The following PACRG variants were observed in gnomAD, a reference collection of about 807,000 sequenced individuals.
The protein encoded by PACRG is parkin coregulated gene protein.
PACRG carries 29 observed loss-of-function variants against 29.7 expected under a neutral mutation model. The ratio of observed to expected loss-of-function variants is 0.98; its 90% CI spans 0.73 to 1.33. PACRG has a LOEUF of 1.33. PACRG is among the 40% of genes most tolerant of loss of function. The pLI, the probability that PACRG is intolerant of heterozygous loss-of-function variation, is 0.00. For synonymous variants in PACRG, 116 were observed against 118.7 expected (o/e 0.98, Z 0.15); for missense variants, 279 against 316.2 (o/e 0.88, Z 0.89).
chr6:163,261,026 A>G (rs1783305563), intron 4 of PACRG, among the ~76,000 whole-genome samples: 1 of 151,956 alleles, frequency 6.6e-6, no homozygotes, highest in African/African-American at 2.4e-5. Flanking sequence ...AGACCTTGCC[A>G]TTCCAAGCAG....
chr6:163,013,262 G>GTTTA (rs145596005), intron 2 of PACRG, among the ~76,000 whole-genome samples: 22,727 of 150,088 alleles, frequency 0.15, 1,947 homozygotes, highest in East Asian at 0.24. Context: ...TTGACTTAAA[G>GTTTA]TTTATTTATT....
chr6:163,256,355 C>G (rs1392301036), intron 4 of PACRG, among the ~76,000 whole-genome samples: 1 of 152,180 alleles, frequency 6.6e-6, no homozygotes, highest in African/African-American at 2.4e-5. Flanking sequence ...CAGTGAACAG[C>G]TTGGCTGTCA....
intron 4 of PACRG, 136 bp downstream of exon 4, chr6:163,089,544 A>C: frequency 9.5e-7 from 1 of 1,058,030 alleles, no homozygotes; most frequent in Non-Finnish European, 1.3e-6. Context: ...TAAATAGCAT[A>C]TTCCCACGCC....
rs187481000 is a variant in PACRG, at chr6:163,041,236, G to C, written c.292-20914G>C. Among the ~76,000 whole-genome samples the C allele has an allele frequency of 2.0e-4, 30 of 152,114 alleles. No homozygotes were observed. In the East Asian group the frequency reaches 5.6e-3, roughly 29 times the overall value. On this transcript the variant is annotated intron_variant, in intron 2 of 4. Coordinates refer to ENST00000366888, the MANE Select transcript of PACRG (RefSeq NM_001080379.2). ...CCTGTAGTCCCAGCTACTTGGGAGG[G>C]TGAGGCAGGAGAATGGCGTGAACCT...
intron 2 of PACRG, among the ~76,000 whole-genome samples, chr6:163,044,913 T>G (rs1280585716): frequency 6.6e-6 from 1 of 152,250 alleles, no homozygotes; most frequent in Non-Finnish European, 1.5e-5. Flanking sequence ...ACAAGCTGTT[T>G]GTATCTTGCA....
chr6:163,181,107 C>T (rs558765964), intron 4 of PACRG, among the ~76,000 whole-genome samples: 2 of 152,300 alleles, frequency 1.3e-5, no homozygotes, highest in East Asian at 3.9e-4. Flanking sequence ...TGTGCGGGCA[C>T]CTGTGTGGGA....
chr6:163,003,685 T>A (rs1454118252), intron 2 of PACRG, among the ~76,000 whole-genome samples: 14 of 152,200 alleles, frequency 9.2e-5, no homozygotes, highest in Admixed American at 9.2e-4. Flanking sequence ...TAGGATGGGC[T>A]TATAAGGAAA....
intron 4 of PACRG, among the ~76,000 whole-genome samples, chr6:163,229,567 T>G (rs1781941687): frequency 6.6e-6 from 1 of 152,228 alleles, no homozygotes; most frequent in African/African-American, 2.4e-5. Context: ...TTGAATAACC[T>G]GCACCTGAGC....
At chr6:162,834,812 G>T (rs1409563813) in intron 2 of PACRG, among the ~76,000 whole-genome samples, 4 of 151,930 alleles carry the variant, frequency 2.6e-5, no homozygotes, top group Non-Finnish European at 5.9e-5. Context: ...TCATGTTAAA[G>T]AGCATAATCA....
intron 4 of PACRG, among the ~76,000 whole-genome samples, chr6:163,161,007 CAGTT>C (rs1318770345): frequency 6.6e-6 from 1 of 152,178 alleles, no homozygotes; most frequent in African/African-American, 2.4e-5. Context: ...CCCAAGGTGA[CAGTT>C]AGGAAGCGGC....
At chr6:163,015,883 A>G (rs1387841692) in intron 2 of PACRG, among the ~76,000 whole-genome samples, 1 of 152,168 alleles carries the variant, frequency 6.6e-6, no homozygotes, top group Non-Finnish European at 1.5e-5. Context: ...AATGTATTTG[A>G]GTGACTAGAA....
intron 2 of PACRG, among the ~76,000 whole-genome samples, chr6:162,914,300 A>G (rs1280424642): frequency 1.3e-5 from 2 of 152,014 alleles, no homozygotes; most frequent in African/African-American, 4.8e-5. Context: ...ATCATTTGTT[A>G]GAAAGATTAT....
chr6:163,214,412 A>G (rs1057272510), intron 4 of PACRG, among the ~76,000 whole-genome samples: 11 of 152,090 alleles, frequency 7.2e-5, no homozygotes, highest in Non-Finnish European at 1.6e-4. Flanking sequence ...TTTTCCAGAA[A>G]AGGTCACATT....
At chr6:162,835,449 G>A (rs1386621565) in intron 2 of PACRG, among the ~76,000 whole-genome samples, 1 of 151,972 alleles carries the variant, frequency 6.6e-6, no homozygotes, top group Non-Finnish European at 1.5e-5. Context: ...GAACATGCTA[G>A]GAAATCATTC....
intron 2 of PACRG, among the ~76,000 whole-genome samples, chr6:162,939,691 GT>G: frequency 6.6e-6 from 1 of 151,802 alleles, no homozygotes; most frequent in Non-Finnish European, 1.5e-5. Flanking sequence ...GTGTGTGTGT[GT>G]GTGTGTGTGT....
At chr6:163,006,773 A>G (rs1450275602) in intron 2 of PACRG, among the ~76,000 whole-genome samples, 1 of 151,518 alleles carries the variant, frequency 6.6e-6, no homozygotes, top group Non-Finnish European at 1.5e-5. Context: ...TTTCTTTTCA[A>G]TAATGTTAGC....
At chr6:163,188,991 GAA>G (rs202095776) in intron 4 of PACRG, among the ~76,000 whole-genome samples, 1,819 of 152,210 alleles carry the variant, frequency 0.012, 26 homozygotes, top group East Asian at 0.063. Flanking sequence ...ACTTTTCTTT[GAA>G]AAAATAGAGC....
Position 163,314,925 on chromosome 6 carries a change from G to C in PACRG, c.712G>C (p.Glu238Gln). ...TLEAFERYGG[E>Q]NAFINIKYVV... ...GGAGGCCTTCGAGCGCTACGGAGGAGAAAATGCCTTTATCAACATTAAGTA... is the reference window on the plus strand; with the variant it reads ...GGAGGCCTTCGAGCGCTACGGAGGACAAAATGCCTTTATCAACATTAAGTA... Residue 238 changes from glutamate (E) to glutamine (Q), a missense_variant, in exon 5 of 5, where the codon GAA becomes CAA. Coordinates refer to ENST00000366888, the MANE Select transcript of PACRG (RefSeq NM_001080379.2). 1 of 1,614,206 alleles carries C rather than the reference G, an allele frequency of 6.2e-7. No homozygotes were observed. Among genetic ancestry groups the C allele is most frequent in the Non-Finnish European group, 8.5e-7 (1 of 1,180,018 alleles).
intron 4 of PACRG, among the ~76,000 whole-genome samples, chr6:163,239,779 CA>C (rs1562333390): frequency 8.1e-5 from 12 of 147,982 alleles, no homozygotes; most frequent in Middle Eastern, 3.4e-3. Context: ...TCCACCCCCA[CA>C]CACACACACA....
Sources: allele counts gnomAD v4.1 joint callset (sites outside exome capture counted in the v4.1 genomes callset), GRCh38; gene constraint gnomAD v4.1.1; transcripts MANE v1.5; gene names NCBI Gene and HGNC (gene_info 2026-07-23, HGNC 2026-07-21).